RAPGEF4: variants seen among roughly 807,000 people sequenced by gnomAD.
RAPGEF4 encodes the protein Rap guanine nucleotide exchange factor 4.
In RAPGEF4, 66 loss-of-function variants were observed where a neutral mutation model predicts 147.9. That is an observed-to-expected ratio of 0.45 (90% CI 0.37 to 0.55). RAPGEF4 has a LOEUF of 0.55. Among genes scored for constraint, RAPGEF4 ranks in the 20% least tolerant of loss-of-function variants. RAPGEF4 has a pLI of 0.00. For synonymous variants in RAPGEF4, 419 were observed against 442.7 expected (o/e 0.95, Z 0.67); for missense variants, 1,071 against 1,257.3 (o/e 0.85, Z 2.24).
intron 6 of RAPGEF4, among the ~76,000 whole-genome samples, chr2:172,948,728 T>A (rs192568179): frequency 2.0e-5 from 3 of 152,260 alleles, no homozygotes; most frequent in Non-Finnish European, 2.9e-5. Flanking sequence ...CTGCATGCTC[T>A]CACTTTAAGT....
intron 4 of RAPGEF4, among the ~76,000 whole-genome samples, chr2:172,896,208 T>A (rs893704424): frequency 2.0e-4 from 31 of 152,216 alleles, no homozygotes; most frequent in Admixed American, 6.5e-5. Flanking sequence ...GGTCTTTGAT[T>A]TGAAATGTCC....
At position 172,831,266 on chromosome 2, in the gene RAPGEF4, C is replaced by CTTTTTTTTTTTTTTTTTTTTTTTTT. The variant is rs71018521; in HGVS notation, c.444+16860_444+16861insTTTTTTTTTTTTTTTTTTTTTTTTT. Among the ~76,000 whole-genome samples, 219 of 53,878 alleles carry CTTTTTTTTTTTTTTTTTTTTTTTTT rather than the reference C, an allele frequency of 4.1e-3. 73 individuals are homozygous for CTTTTTTTTTTTTTTTTTTTTTTTTT. The highest frequency in any genetic ancestry group is 5.7e-3 in the Non-Finnish European group (160 of 28,090). 35.3% of individuals were successfully genotyped at this position (53,878 alleles called of 152,430 possible). ...AAATGTGACTGTTTCAGATAGAAAACTTTTTTTTTTTTTTTTTTTGAGACA... is the reference window on the plus strand; with the variant it reads ...AAATGTGACTGTTTCAGATAGAAAACTTTTTTTTTTTTTTTTTTTTTTTTTTTTTTTTTTTTTTTTTTTTGAGACA... On this transcript the variant is annotated intron_variant, in intron 4 of 30. Coordinates refer to ENST00000397081, the MANE Select transcript of RAPGEF4 (RefSeq NM_007023.4).
intron 1 of RAPGEF4, among the ~76,000 whole-genome samples, chr2:172,769,891 T>TG (rs1310128453): frequency 2.6e-5 from 4 of 152,184 alleles, no homozygotes; most frequent in Non-Finnish European, 5.9e-5. Flanking sequence ...TTGCAAAATC[T>TG]GGCAACCCTA....
rs1329202816 is a variant in RAPGEF4, at chr2:172,761,078, A to C, written c.65+25030A>C. Among the ~76,000 whole-genome samples, 4 of 151,322 alleles carry C rather than the reference A, an allele frequency of 2.6e-5. No homozygotes were observed. In the East Asian group the frequency reaches 7.8e-4, roughly 29 times the overall value. ...CTTCTCATCAGAATCCATGGAGCCC[A>C]GAATGAAGTGGAACATTTTTCTTTC... On this transcript the variant is annotated intron_variant, in intron 1 of 30. Coordinates refer to ENST00000397081, the MANE Select transcript of RAPGEF4 (RefSeq NM_007023.4).
intron 6 of RAPGEF4, among the ~76,000 whole-genome samples, chr2:172,953,342 C>T (rs1337361558): frequency 1.4e-5 from 2 of 146,018 alleles, no homozygotes; most frequent in African/African-American, 5.0e-5. Context: ...ATATAGATAT[C>T]TCATGATCTC....
At chr2:172,809,919 A>G (rs1302538658) in intron 3 of RAPGEF4, among the ~76,000 whole-genome samples, 1 of 152,238 alleles carries the variant, frequency 6.6e-6, no homozygotes, top group African/African-American at 2.4e-5. Context: ...AGGAGGATCA[A>G]GTGGATCTCA....
At chr2:172,798,105 C>T (rs987286483) in intron 3 of RAPGEF4, among the ~76,000 whole-genome samples, 2 of 152,024 alleles carry the variant, frequency 1.3e-5, no homozygotes, top group African/African-American at 4.8e-5. Flanking sequence ...ATTTCTCTGC[C>T]TTGTCTTTTC....
chr2:172,958,706 G>A (rs188646928), intron 6 of RAPGEF4, among the ~76,000 whole-genome samples: 26 of 152,234 alleles, frequency 1.7e-4, no homozygotes, highest in African/African-American at 6.0e-4. Flanking sequence ...CTGTGCTACA[G>A]TGATTTCAAG....
At chr2:172,929,732 A>G (rs756234717) in intron 6 of RAPGEF4, among the ~76,000 whole-genome samples, 2 of 152,174 alleles carry the variant, frequency 1.3e-5, no homozygotes, top group Non-Finnish European at 2.9e-5. Context: ...AAAATATGGC[A>G]CTGCAGCCTA....
intron 3 of RAPGEF4, among the ~76,000 whole-genome samples, chr2:172,804,305 T>G (rs564081854): frequency 1.3e-5 from 2 of 152,300 alleles, no homozygotes; most frequent in South Asian, 4.1e-4. Context: ...CTGTCTAGGT[T>G]AAAAAACACA....
At chr2:172,890,941 C>T (rs1697833042) in intron 4 of RAPGEF4, among the ~76,000 whole-genome samples, 1 of 152,140 alleles carries the variant, frequency 6.6e-6, no homozygotes, top group Non-Finnish European at 1.5e-5. Flanking sequence ...ACCAGCCTGG[C>T]CAACATGGCG....
intron 4 of RAPGEF4, among the ~76,000 whole-genome samples, chr2:172,878,738 G>GA (rs1696252440): frequency 6.6e-6 from 1 of 152,094 alleles, no homozygotes. Flanking sequence ...CCACTAGCTA[G>GA]AAAAAATGGG....
intron 1 of RAPGEF4, among the ~76,000 whole-genome samples, chr2:172,781,878 ATTG>A (rs1422724975): frequency 6.6e-6 from 1 of 152,112 alleles, no homozygotes; most frequent in Non-Finnish European, 1.5e-5. Flanking sequence ...TTTGTATTGT[ATTG>A]TTTTTTATTT....
chr2:172,862,193 T>C (rs1694126916), intron 4 of RAPGEF4, among the ~76,000 whole-genome samples: 1 of 152,156 alleles, frequency 6.6e-6, no homozygotes, highest in South Asian at 2.1e-4. Flanking sequence ...CATAATAATA[T>C]CCAGCAATAA....
chr2:172,753,830 T>G (rs1027844069), intron 1 of RAPGEF4, among the ~76,000 whole-genome samples: 2 of 152,072 alleles, frequency 1.3e-5, no homozygotes, highest in African/African-American at 4.8e-5. Context: ...TCTTTCGGTT[T>G]GTGAGGGTTG....
rs527463932 is a variant in RAPGEF4, at chr2:172,977,149, T to C, written c.1005-6347T>C. On this transcript the variant is annotated intron_variant, in intron 10 of 30. Transcript: ENST00000397081. Reference sequence around the variant, plus strand: ...GCCTTGTAGGTTACTCTTATGAAGGTGCATGGGAGTTCTCTCCTCCTGCTC... The same window carrying C: ...GCCTTGTAGGTTACTCTTATGAAGGCGCATGGGAGTTCTCTCCTCCTGCTC... 2.0e-5 allele frequency among the ~76,000 whole-genome samples: 3 copies of C among 152,334 alleles called. No individual in the cohort carries two copies. In the East Asian group the frequency reaches 5.8e-4, roughly 29 times the overall value.
At chr2:172,749,884 C>G (rs1695114593) in intron 1 of RAPGEF4, among the ~76,000 whole-genome samples, 1 of 152,194 alleles carries the variant, frequency 6.6e-6, no homozygotes, top group South Asian at 2.1e-4. Context: ...AATCATCCCC[C>G]TCAAATTCAA....
intron 29 of RAPGEF4, among the ~76,000 whole-genome samples, chr2:173,040,184 A>C (rs1282489116): frequency 6.7e-6 from 1 of 150,296 alleles, no homozygotes; most frequent in Non-Finnish European, 1.5e-5. Context: ...GCAAGACTCC[A>C]TCTCAAAAAA....
chr2:172,937,226 G>GA lies in RAPGEF4; in HGVS notation c.537+14936dup, dbSNP rs780295405. 8.8e-3 allele frequency among the ~76,000 whole-genome samples: 1,283 copies of GA among 146,426 alleles called. 5 individuals are homozygous for GA. The highest frequency in any genetic ancestry group is 0.015 in the Non-Finnish European group (965 of 66,094). On this transcript the variant is annotated intron_variant, in intron 6 of 30. Coordinates refer to ENST00000397081, the MANE Select transcript of RAPGEF4 (RefSeq NM_007023.4). ...GCAGAGCAAGACCCTGTCTCTTAAA[G>GA]AAAAAAAAAAGTCTGTAGTTTATTT...
Sources: allele counts gnomAD v4.1 joint callset (sites outside exome capture counted in the v4.1 genomes callset), GRCh38; gene constraint gnomAD v4.1.1; transcripts MANE v1.5; gene names NCBI Gene and HGNC (gene_info 2026-07-23, HGNC 2026-07-21).